The following ZIK1 variants were observed in gnomAD, a reference collection of about 807,000 sequenced individuals.
The protein encoded by ZIK1 is zinc finger protein interacting with K protein 1.
A neutral mutation model predicts 10.7 loss-of-function variants in ZIK1; 12 were observed. The ratio of observed to expected loss-of-function variants is 1.12; its 90% confidence interval spans 0.72 to 1.81. The LOEUF (loss-of-function observed/expected upper bound fraction) is 1.81, where lower values mean the gene tolerates loss of function less well. ZIK1 is among the 40% of genes most tolerant of loss of function. The probability of loss-of-function intolerance (pLI) is 0.00; values close to 1 mark genes in which losing one functional copy is unlikely to be tolerated. For synonymous variants in ZIK1, 190 were observed against 205.0 expected (o/e 0.93, Z 0.63); for missense variants, 497 against 585.7 (o/e 0.85, Z 1.56).
Position 57,591,220 on chromosome 19 carries a change from A to G in ZIK1, c.1409A>G (p.Asn470Ser), listed in dbSNP as rs1979671614. The change falls in exon 4 of 4, where the codon AAT becomes AGT. Residue 470 changes from asparagine (N) to serine (S), a missense_variant. Asn to Ser is a conservative substitution (Grantham distance 46, BLOSUM62 1). Coordinates refer to ENST00000597850, the MANE Select transcript of ZIK1 (RefSeq NM_001010879.4). ...ERPYECNKCG[N>S]SFSQCSSLIH... ...CCTTATGAGTGCAACAAATGTGGGA[A>G]TTCCTTTAGCCAATGCTCCAGCCTC... 1.2e-6 allele frequency: 2 copies of G among 1,614,194 alleles called. No individual in the cohort carries two copies. The highest frequency in any genetic ancestry group is 2.7e-5 in the African/African-American group (2 of 75,082).
In ZIK1 at chr19:57,591,107, A is replaced by C; in HGVS notation, c.1296A>C (p.Ala432=). The C allele has an allele frequency of 6.2e-7, 1 of 1,614,196 alleles. No individual in the cohort carries two copies. The highest frequency in any genetic ancestry group is 8.5e-7 in the Non-Finnish European group (1 of 1,180,024). Residue 432 remains alanine, a synonymous_variant, in exon 4 of 4, where the codon GCA becomes GCC. Coordinates refer to ENST00000597850, the MANE Select transcript of ZIK1 (RefSeq NM_001010879.4). ...LIQHRRIHTG[A]RPYECGQCGK... is the part of the protein sequence containing the mutation. ...AACACCGGAGAATTCATACTGGAGC[A>C]AGGCCTTATGAGTGTGGCCAGTGTG...
At chr19:57,585,925 G>A (rs1979116392) in intron 2 of ZIK1, among the ~76,000 whole-genome samples, 1 of 148,892 alleles carries the variant, frequency 6.7e-6, no homozygotes. Flanking sequence ...TAGAGACAGG[G>A]TTTCACCATG....
Position 57,590,608 on chromosome 19 carries a change from C to T in ZIK1, c.797C>T (p.Pro266Leu). Residue 266 changes from proline to leucine, a missense_variant, in exon 4 of 4, where the codon CCT (proline) becomes CTT (leucine). Pro to Leu is a moderately conservative substitution (Grantham distance 98). Coordinates refer to ENST00000597850, the MANE Select transcript of ZIK1 (RefSeq NM_001010879.4). ...CAGAGAGTCCATACTGGAGAAAGGC[C>T]TTGGGAGTGCAATGAATGTGGAAAA... ...QHQRVHTGER[P>L]WECNECGKFF... The T allele has an allele frequency of 6.2e-7, 1 of 1,614,206 alleles. No individual in the cohort carries two copies. Among genetic ancestry groups the T allele is most frequent in the Non-Finnish European group, 8.5e-7 (1 of 1,180,032 alleles).
rs1487638474 is a variant in ZIK1 at position 57,593,598 on chromosome 19, G to C, written c.*2323G>C. 2 of 151,942 alleles carry C rather than the reference G, an allele frequency of 1.3e-5. No homozygotes were observed. The highest frequency in any genetic ancestry group is 2.4e-5 in the African/African-American group (1 of 41,332). The allele number at this position is 151,942 out of a possible 1,614,324, so 9.4% of individuals were successfully genotyped here. ...GACAAGGCCAGACTATAACCTAACTGTACCATTTGCATTCTCATCAACAGT... is the reference window on the plus strand; with the variant it reads ...GACAAGGCCAGACTATAACCTAACTCTACCATTTGCATTCTCATCAACAGT... On this transcript the variant is annotated 3_prime_UTR_variant, in exon 4 of 4. Transcript: ENST00000597850.
intron 2 of ZIK1, 26 bp from the exon 3 acceptor site, chr19:57,588,513 G>A: frequency 7.0e-7 from 1 of 1,424,180 alleles, no homozygotes; most frequent in Non-Finnish European, 9.3e-7. Flanking sequence ...CGTTGATTGT[G>A]GAGTGACCTG....
chr19:57,589,905 A>T, intron 3 of ZIK1, 106 bp from the exon 4 acceptor site: 2 of 1,369,058 alleles, frequency 1.5e-6, no homozygotes, highest in Non-Finnish European at 2.0e-6. Flanking sequence ...CAGCTCCATT[A>T]TCCTCAAAAC....
Position 57,590,225 on chromosome 19 carries a change from T to C in ZIK1, c.414T>C (p.His138=). The change falls in exon 4 of 4, where the codon CAT becomes CAC. Residue 138 remains histidine, a synonymous_variant. Coordinates refer to ENST00000597850, the MANE Select transcript of ZIK1 (RefSeq NM_001010879.4). ...ECTNHHQHQK[H]HSAKKSLKRD... is the part of the protein sequence containing the mutation. ...CAAACCATCACCAGCACCAGAAGCA[T>C]CACAGTGCAAAGAAATCCTTGAAGA... 1 of 1,614,184 alleles carries C rather than the reference T, an allele frequency of 6.2e-7. No individual in the cohort carries two copies. The highest frequency in any genetic ancestry group is 1.7e-5 in the Admixed American group (1 of 60,026).
chr19:57,588,306 T>G (rs1979340713), intron 2 of ZIK1, among the ~76,000 whole-genome samples: 1 of 152,104 alleles, frequency 6.6e-6, no homozygotes, highest in Non-Finnish European at 1.5e-5. Flanking sequence ...CTTGGGGAAC[T>G]GCCTGACAAG....
At chr19:57,584,893 C>T in intron 1 of ZIK1, 59 bp from the exon 2 acceptor site, 3 of 1,583,150 alleles carry the variant, frequency 1.9e-6, no homozygotes, top group Non-Finnish European at 2.6e-6. Context: ...TCCAGGGAAG[C>T]CTGAATCCGT....
rs1386111395 is a variant in ZIK1, at chr19:57,592,265, T to C, written c.*990T>C. On this transcript the variant is annotated 3_prime_UTR_variant, in exon 4 of 4. Transcript: ENST00000597850. ...CACGCAGAAGACAACGCGAGTCACATGTGAACTGTAATTGGTACAGAAATA... is the reference window on the plus strand; with the variant it reads ...CACGCAGAAGACAACGCGAGTCACACGTGAACTGTAATTGGTACAGAAATA... 1.3e-5 allele frequency: 2 copies of C among 152,088 alleles called. No homozygotes were observed. Among genetic ancestry groups the C allele is most frequent in the African/African-American group, 2.4e-5 (1 of 41,412 alleles). The allele number at this position is 152,088 out of a possible 1,614,324, so 9.4% of individuals were successfully genotyped here.
At position 57,590,365 on chromosome 19, in the gene ZIK1, C is replaced by G; in HGVS notation, c.554C>G (p.Ser185Cys). Residue 185 changes from serine to cysteine, a missense_variant, in exon 4 of 4, where the codon TCC becomes TGC. By Grantham distance (112) the Ser-to-Cys change is moderately radical. Coordinates refer to ENST00000597850, the MANE Select transcript of ZIK1 (RefSeq NM_001010879.4). The stretch of plus-strand genomic sequence containing the variant: ...CCAGCCATGTTGCGGCTTCTGAGGT[C>G]CCTGGTCTTTCCTGGAGGCAAGAAA... ...DLPAMLRLLR[S>C]LVFPGGKKPG... The G allele has an allele frequency of 6.2e-7, 1 of 1,614,140 alleles. No individual in the cohort carries two copies. The highest frequency in any genetic ancestry group is 8.5e-7 in the Non-Finnish European group (1 of 1,180,008).
rs10403092 is a variant in ZIK1 at position 57,593,879 on chromosome 19, G to C, written c.*2604G>C. On this transcript the variant is annotated 3_prime_UTR_variant, in exon 4 of 4. Transcript: ENST00000597850. The stretch of plus-strand genomic sequence containing the variant: ...GATACTTTTTCATTAATAAATAGAC[G>C]TATAACAAAGACTTATGTTGAAACT... 1 of 150,950 alleles carries C rather than the reference G, an allele frequency of 6.6e-6. No homozygotes were observed. The highest frequency in any genetic ancestry group is 2.4e-5 in the African/African-American group (1 of 40,872). 9.4% of individuals were successfully genotyped at this position (150,950 alleles called of 1,614,324 possible).
intron 1 of ZIK1, chr19:57,584,724 G>A (rs1254428910): frequency 5.3e-5 from 59 of 1,120,512 alleles, no homozygotes; most frequent in East Asian, 4.8e-4. Flanking sequence ...ACCTCATGGA[G>A]TTAGACTAGA....
chr19:57,584,396 G>C lies in ZIK1; in HGVS notation c.33+7G>C. 1 of 1,607,870 alleles carries C rather than the reference G, an allele frequency of 6.2e-7. No homozygotes were observed. The highest frequency in any genetic ancestry group is 2.2e-5 in the East Asian group (1 of 44,676). On this transcript the variant is annotated splice_region_variant and intron_variant, in intron 1 of 3. Transcript: ENST00000597850. ...GCTGAGGGCCCCGACTCAGGTGAGC[G>C]CTGCCTCTACTGGGCCTCACCCTCC...
At chr19:57,584,920 A>C (rs769730771) in intron 1 of ZIK1, 32 bp from the exon 2 acceptor site, 18 of 1,612,460 alleles carry the variant, frequency 1.1e-5, no homozygotes, top group East Asian at 6.7e-5. Context: ...CTGTATGGTC[A>C]CCTGCCTTTC....
Position 57,591,165 on chromosome 19 carries a change from C to T in ZIK1, c.1354C>T (p.Gln452Ter), listed in dbSNP as rs770156021. Residue 452 changes from glutamine to a stop codon, truncating the protein, a stop_gained, in exon 4 of 4, where the codon CAA becomes TAA. Transcript: ENST00000597850. LOFTEE classifies it low-confidence loss of function (END_TRUNC). ...CTTTAGCCAAAAGTCTGGTCTCATT[C>T]AACACCAAGTGGTTCACACTGGAGA... is the stretch of plus-strand genomic sequence containing the variant. Reference protein sequence around the residue: ...KSFSQKSGLIQHQVVHTGERP... With the variant: ...KSFSQKSGLI 8 of 1,613,272 alleles carry T rather than the reference C, an allele frequency of 5.0e-6. No homozygotes were observed. The highest frequency in any genetic ancestry group is 1.6e-4 in the Middle Eastern group (1 of 6,080).
At chr19:57,588,424 G>A in intron 2 of ZIK1, 115 bp from the exon 3 acceptor site, 1 of 1,201,506 alleles carries the variant, frequency 8.3e-7, no homozygotes, top group Non-Finnish European at 1.1e-6. Context: ...ACCATGAAAA[G>A]AGAGTGGGCA....
rs1420850373 is a variant in ZIK1 at position 57,593,379 on chromosome 19, T to C, written c.*2104T>C. 1.3e-5 allele frequency: 2 copies of C among 152,192 alleles called. No homozygotes were observed. The highest frequency in any genetic ancestry group is 2.9e-5 in the Non-Finnish European group (2 of 68,034). The allele number at this position is 152,192 out of a possible 1,614,324, so 9.4% of individuals were successfully genotyped here. A position where few individuals can be genotyped will look rare whatever the true frequency, so the allele number is the denominator to read the frequency against. ...TTAAGATTTATCAATATTGCTTATG[T>C]GAATAGTTCATTTGTATTGCTGAGA... On this transcript the variant is annotated 3_prime_UTR_variant, in exon 4 of 4. Transcript: ENST00000597850.
rs1979369535 is a variant in ZIK1 at position 57,588,593 on chromosome 19, C to A, written c.127C>A (p.Leu43Ile). 6.3e-7 allele frequency: 1 copy of A among 1,583,718 alleles called. No individual in the cohort carries two copies. Among genetic ancestry groups the A allele is most frequent in the African/African-American group, 1.3e-5 (1 of 74,178 alleles). ...TTACTTCTCACAGGACGAGTGGGGACTTCTTGATGAGGCTCAGAGACTCCT... is the reference window on the plus strand; with the variant it reads ...TTACTTCTCACAGGACGAGTGGGGAATTCTTGATGAGGCTCAGAGACTCCT... ...AIYFSQDEWGLLDEAQRLLYL... is the reference protein window; with the variant it reads ...AIYFSQDEWGILDEAQRLLYL... Residue 43 changes from leucine (L) to isoleucine (I), a missense_variant, in exon 3 of 4, where the codon CTT (leucine) becomes ATT (isoleucine). Coordinates refer to ENST00000597850, the MANE Select transcript of ZIK1 (RefSeq NM_001010879.4).
Sources: allele counts gnomAD v4.1 joint callset (sites outside exome capture counted in the v4.1 genomes callset), GRCh38; gene constraint gnomAD v4.1.1; transcripts MANE v1.5; gene names NCBI Gene and HGNC (gene_info 2026-07-23, HGNC 2026-07-21).